The following SAMD8 variants were observed in gnomAD, a reference collection of about 807,000 sequenced individuals.
The protein encoded by SAMD8 is sphingomyelin synthase-related protein 1.
Under a neutral mutation model 42.0 loss-of-function variants are expected in SAMD8, and 20 were observed. The ratio of observed to expected loss-of-function variants is 0.48; its 90% confidence interval spans 0.34 to 0.69. The LOEUF (loss-of-function observed/expected upper bound fraction) is 0.69. Among genes scored for constraint, SAMD8 ranks in the 30% least tolerant of loss-of-function variants. The pLI, the probability that SAMD8 is intolerant of heterozygous loss-of-function variation, is 0.01. For missense variants in SAMD8, 328 were observed against 511.6 expected, an observed-to-expected ratio of 0.64 and a Z score of 3.46; for synonymous variants, 162 against 173.0, an observed-to-expected ratio of 0.94 and a Z score of 0.50.
intron 1 of SAMD8, among the ~76,000 whole-genome samples, chr10:75,143,348 TATATATTTATGCATGTGGCTA>T: frequency 6.6e-6 from 1 of 152,284 alleles, no homozygotes; most frequent in East Asian, 1.9e-4. Context: ...AGAAAAAATG[TATATATTTATGCATGTGGCTA>T]CCATTTTGGT....
chr10:75,101,811 C>A, intron 1 of SAMD8: 5 of 977,480 alleles, frequency 5.1e-6, no homozygotes, highest in Non-Finnish European at 7.4e-6. Context: ...GCCCTCATTA[C>A]CCAGCATGCT....
At chr10:75,157,308 A>G (rs1458573346) in intron 2 of SAMD8, among the ~76,000 whole-genome samples, 1 of 152,092 alleles carries the variant, frequency 6.6e-6, no homozygotes, top group African/African-American at 2.4e-5. Flanking sequence ...TGTTTGTTGT[A>G]TTGATAATAA....
intron 3 of SAMD8, among the ~76,000 whole-genome samples, chr10:75,165,026 C>T (rs1040227949): frequency 1.3e-5 from 2 of 152,248 alleles, no homozygotes; most frequent in Non-Finnish European, 2.9e-5. Context: ...CGCGGTGGCT[C>T]ATGCCTGTAA....
intron 1 of SAMD8, chr10:75,101,991 G>C: frequency 7.4e-7 from 1 of 1,357,338 alleles, no homozygotes; most frequent in Non-Finnish European, 9.8e-7. Flanking sequence ...TAATTATAAA[G>C]CATGCTGTCT....
chr10:75,166,059 G>A (rs1218096403), intron 3 of SAMD8, among the ~76,000 whole-genome samples: 1 of 151,930 alleles, frequency 6.6e-6, no homozygotes, highest in Admixed American at 6.6e-5. Context: ...GATGGTATGG[G>A]AAGTTGCTAA....
chr10:75,175,013 T>C (rs1011734023), intron 4 of SAMD8, among the ~76,000 whole-genome samples: 1 of 152,230 alleles, frequency 6.6e-6, no homozygotes, highest in African/African-American at 2.4e-5. Flanking sequence ...TGGTCTGCTA[T>C]CCCAATACTT....
chr10:75,113,342 AGTT>A (rs1848814231), intron 1 of SAMD8, among the ~76,000 whole-genome samples: 1 of 151,508 alleles, frequency 6.6e-6, no homozygotes, highest in South Asian at 2.1e-4. Flanking sequence ...AGGTTTGTAA[AGTT>A]GTTGGCCATT....
chr10:75,177,127 T>G lies in SAMD8; in HGVS notation c.*435T>G, dbSNP rs1841006932. Reference sequence around the variant, plus strand: ...AGAAACCCTAACAAGTGACAGTACTTGTTCTTTGGACTAATCTTTGTTTCA... The same window carrying G: ...AGAAACCCTAACAAGTGACAGTACTGGTTCTTTGGACTAATCTTTGTTTCA... On this transcript the variant is annotated 3_prime_UTR_variant, in exon 6 of 6. Coordinates refer to ENST00000542569, the MANE Select transcript of SAMD8 (RefSeq NM_001174156.2). The G allele has an allele frequency of 6.4e-6, 1 of 156,120 alleles. No individual in the cohort carries two copies. The highest frequency in any genetic ancestry group is 2.4e-5 in the African/African-American group (1 of 41,506). 9.7% of individuals were successfully genotyped at this position (156,120 alleles called of 1,614,324 possible).
At chr10:75,136,330 C>T (rs1029420245) in intron 1 of SAMD8, among the ~76,000 whole-genome samples, 3 of 152,118 alleles carry the variant, frequency 2.0e-5, no homozygotes, top group African/African-American at 7.2e-5. Flanking sequence ...TAAAACATGT[C>T]ATTCATTCCA....
At chr10:75,160,004 A>G (rs776001062) in intron 2 of SAMD8, among the ~76,000 whole-genome samples, 34 of 152,124 alleles carry the variant, frequency 2.2e-4, no homozygotes, top group Non-Finnish European at 4.1e-4. Flanking sequence ...CACCTACAGC[A>G]GTGAGAAGTG....
chr10:75,160,236 G>C (rs1239292551), intron 2 of SAMD8, among the ~76,000 whole-genome samples: 5 of 151,678 alleles, frequency 3.3e-5, no homozygotes, highest in African/African-American at 1.2e-4. Context: ...TTGCTCTGTC[G>C]CCCAGGCTGG....
chr10:75,156,147 C>G (rs1351169561), intron 2 of SAMD8, among the ~76,000 whole-genome samples: 1 of 152,146 alleles, frequency 6.6e-6, no homozygotes, highest in African/African-American at 2.4e-5. Flanking sequence ...GAGATCAAGG[C>G]TGTAGTGAGC....
intron 1 of SAMD8, chr10:75,105,515 G>C (rs1304520358): frequency 7.2e-6 from 6 of 829,200 alleles, no homozygotes; most frequent in Non-Finnish European, 9.3e-6. Flanking sequence ...TTTGGAGAGA[G>C]GGCCAGGCCC....
chr10:75,150,887 A>G lies in SAMD8; in HGVS notation c.359A>G (p.Asp120Gly), dbSNP rs1411023024. 4.3e-6 allele frequency: 7 copies of G among 1,612,818 alleles called. No homozygotes were observed. In the African/African-American group the frequency reaches 8.0e-5, roughly 18 times the overall value. The change falls in exon 2 of 6, where the codon GAC becomes GGC. Residue 120 changes from aspartate to glycine, a missense_variant. Coordinates refer to ENST00000542569, the MANE Select transcript of SAMD8 (RefSeq NM_001174156.2). ...LCNGELSHDC[D>G]GPITDLNSDQ... ...AATGGGGAGCTTTCCCATGACTGTG[A>G]CGGACCCATAACTGACTTGAATTCT...
intron 1 of SAMD8, among the ~76,000 whole-genome samples, chr10:75,122,351 C>G (rs1257077186): frequency 6.6e-6 from 1 of 152,100 alleles, no homozygotes; most frequent in Non-Finnish European, 1.5e-5. Context: ...GTGGCTCACG[C>G]CTGTAATCTC....
At chr10:75,109,818 T>TTTTGTTTTGTTTTGTTTTG (rs1554856164), upstream of SAMD8, among the ~76,000 whole-genome samples, 15 of 150,084 alleles carry the variant, frequency 1.0e-4, no homozygotes, top group African/African-American at 3.7e-4. Context: ...AAGGTGTTTT[T>TTTTGTTTTGTTTTGTTTTG]TTTTGTTTTG....
In SAMD8 at chr10:75,150,685, C is replaced by T. The variant is rs1234298607; in HGVS notation, c.157C>T (p.Arg53Trp). ...GCTAACATTGACTGAATATGATCTC[C>T]GGTCTCCTCCTCTGGAAATCAAAGT... The part of the protein sequence containing the change: ...TLLTLTEYDL[R>W]SPPLEIKVLG... Residue 53 changes from arginine (R) to tryptophan (W), a missense_variant, in exon 2 of 6, where the codon CGG becomes TGG. Arg to Trp is a moderately radical substitution (Grantham distance 101, BLOSUM62 -3). Coordinates refer to ENST00000542569, the MANE Select transcript of SAMD8 (RefSeq NM_001174156.2). 11 of 1,614,104 alleles carry T rather than the reference C, an allele frequency of 6.8e-6. No homozygotes were observed. The highest frequency in any genetic ancestry group is 1.7e-5 in the Admixed American group (1 of 60,006).
At chr10:75,117,758 T>C (rs1452423451) in intron 1 of SAMD8, among the ~76,000 whole-genome samples, 1 of 152,186 alleles carries the variant, frequency 6.6e-6, no homozygotes, top group Non-Finnish European at 1.5e-5. Context: ...CAAATTGATA[T>C]GTTAAACTGC....
chr10:75,133,586 GTGTGTATGTC>G (rs540348803), intron 1 of SAMD8, among the ~76,000 whole-genome samples: 12 of 152,300 alleles, frequency 7.9e-5, no homozygotes, highest in African/African-American at 2.4e-4. Flanking sequence ...TAGAGAAAAT[GTGTGTATGTC>G]TGTGTGCATG....
Sources: gnomAD v4.1 joint callset for allele counts (sites outside exome capture counted in the v4.1 genomes callset) on GRCh38, gnomAD v4.1.1 for gene constraint, MANE v1.5 for transcripts, NCBI Gene and HGNC (gene_info 2026-07-23, HGNC 2026-07-21) for gene names.